Variants in CNTNAP5 observed in about 807,000 individuals in gnomAD.
The protein encoded by CNTNAP5 is contactin-associated protein-like 5.
Under a neutral mutation model 150.2 loss-of-function variants are expected in CNTNAP5, and 72 were observed. The ratio of observed to expected loss-of-function variants is 0.48; its 90% CI spans 0.40 to 0.58. The LOEUF is 0.58. CNTNAP5 is among the 20% of genes least tolerant of loss of function. The pLI is 0.00. For missense variants in CNTNAP5, 1,636 were observed against 1,626.2 expected, an observed-to-expected ratio of 1.01 and a Z score of -0.10; for synonymous variants, 672 against 619.8, an observed-to-expected ratio of 1.08 and a Z score of -1.25.
intron 13 of CNTNAP5, among the ~76,000 whole-genome samples, chr2:124,734,647 C>G (rs902571057): frequency 5.9e-5 from 9 of 151,748 alleles, no homozygotes; most frequent in Non-Finnish European, 1.0e-4. Flanking sequence ...TAAGAATAAC[C>G]AGAAATTTGG....
intron 7 of CNTNAP5, among the ~76,000 whole-genome samples, chr2:124,490,984 A>T (rs746034299): frequency 2.0e-5 from 3 of 152,134 alleles, no homozygotes; most frequent in Non-Finnish European, 4.4e-5. Flanking sequence ...GTATTTCAGT[A>T]GCAGATTTCC....
At chr2:124,183,321 T>A (rs1008407789) in intron 1 of CNTNAP5, among the ~76,000 whole-genome samples, 1 of 152,218 alleles carries the variant, frequency 6.6e-6, no homozygotes, top group Non-Finnish European at 1.5e-5. Flanking sequence ...CAGAAGGGAA[T>A]GTTCTCTACT....
At chr2:124,316,374 G>C (rs1306761555) in intron 3 of CNTNAP5, among the ~76,000 whole-genome samples, 1 of 152,142 alleles carries the variant, frequency 6.6e-6, no homozygotes, top group East Asian at 1.9e-4. Flanking sequence ...AACTCAATTA[G>C]CACATGAGTG....
chr2:124,525,615 G>A (rs1398300469), intron 9 of CNTNAP5, among the ~76,000 whole-genome samples: 1 of 152,088 alleles, frequency 6.6e-6, no homozygotes, highest in African/African-American at 2.4e-5. Context: ...TGTACATATC[G>A]AGGTCTCCTA....
chr2:124,701,287 T>C lies in CNTNAP5; in HGVS notation c.2078-45942T>C, dbSNP rs367692106. The stretch of plus-strand genomic sequence containing the variant: ...TGAGATCATGCAATAGTTTCTTTTC[T>C]GTGTCTGGCTCATTTCACTTACCCT... On this transcript the variant is annotated intron_variant, in intron 13 of 23. Coordinates refer to ENST00000682447, the MANE Select transcript of CNTNAP5 (RefSeq NM_001367498.1). Among the ~76,000 whole-genome samples the C allele has an allele frequency of 3.3e-5, 5 of 152,294 alleles. No individual in the cohort carries two copies. In the East Asian group the frequency reaches 9.7e-4, roughly 29 times the overall value.
intron 19 of CNTNAP5, among the ~76,000 whole-genome samples, chr2:124,813,639 A>G (rs1216418865): frequency 2.0e-5 from 3 of 150,332 alleles, no homozygotes; most frequent in Non-Finnish European, 3.0e-5. Flanking sequence ...ACACCTCCCC[A>G]CCACTCCAAC....
intron 1 of CNTNAP5, among the ~76,000 whole-genome samples, chr2:124,155,067 C>A (rs999902167): frequency 2.2e-5 from 3 of 139,180 alleles, no homozygotes; most frequent in Non-Finnish European, 4.5e-5. Flanking sequence ...CAGAAGCAAA[C>A]CATTCCCGTT....
At chr2:124,424,474 T>C (rs1220366309) in intron 4 of CNTNAP5, among the ~76,000 whole-genome samples, 2 of 152,214 alleles carry the variant, frequency 1.3e-5, no homozygotes, top group African/African-American at 2.4e-5. Flanking sequence ...ATCTCCAAGA[T>C]GCCAGATTCA....
intron 10 of CNTNAP5, among the ~76,000 whole-genome samples, chr2:124,538,781 C>T (rs2104903648): frequency 6.6e-6 from 1 of 152,224 alleles, no homozygotes; most frequent in South Asian, 2.1e-4. Context: ...GGTTTAGATT[C>T]TCAAGCCACT....
At chr2:124,212,306 C>T (rs944891939) in intron 1 of CNTNAP5, among the ~76,000 whole-genome samples, 2 of 152,046 alleles carry the variant, frequency 1.3e-5, no homozygotes, top group African/African-American at 4.8e-5. Context: ...TTTGGCACTA[C>T]TTTGTAATGA....
At chr2:124,549,190 C>A (rs1352296803) in intron 10 of CNTNAP5, among the ~76,000 whole-genome samples, 1 of 152,158 alleles carries the variant, frequency 6.6e-6, no homozygotes, top group Non-Finnish European at 1.5e-5. Flanking sequence ...CTGCTGGTAT[C>A]TGTTCACTTC....
chr2:124,689,295 C>T (rs757413481), intron 13 of CNTNAP5, among the ~76,000 whole-genome samples: 3 of 152,032 alleles, frequency 2.0e-5, no homozygotes, highest in Admixed American at 6.6e-5. Flanking sequence ...TAACCATTAT[C>T]GGGATGAAGA....
At chr2:124,113,933 AT>A (rs1683364584) in intron 1 of CNTNAP5, among the ~76,000 whole-genome samples, 1 of 151,806 alleles carries the variant, frequency 6.6e-6, no homozygotes, top group Non-Finnish European at 1.5e-5. Context: ...CTCTATATAT[AT>A]ATATATGTCT....
At chr2:124,713,244 TCTTTC>T (rs1558746628) in intron 13 of CNTNAP5, among the ~76,000 whole-genome samples, 2 of 22,736 alleles carry the variant, frequency 8.8e-5, no homozygotes. Flanking sequence ...TCTTTCTTTC[TCTTTC>T]TTTCTTTCTT....
intron 1 of CNTNAP5, among the ~76,000 whole-genome samples, chr2:124,149,211 C>T (rs1684340130): frequency 6.6e-6 from 1 of 152,034 alleles, no homozygotes; most frequent in Non-Finnish European, 1.5e-5. Flanking sequence ...ACTCTACTCT[C>T]ATTATCCTTC....
chr2:124,025,773 A>G, intron 1 of CNTNAP5, 41 bp downstream of exon 1: 1 of 1,464,386 alleles, frequency 6.8e-7, no homozygotes, highest in Non-Finnish European at 9.6e-7. Flanking sequence ...GAGGTGGAAA[A>G]CGATCGCATT....
At chr2:124,632,409 C>A (rs373494858) in intron 12 of CNTNAP5, among the ~76,000 whole-genome samples, 1 of 152,124 alleles carries the variant, frequency 6.6e-6, no homozygotes, top group Non-Finnish European at 1.5e-5. Context: ...TGCAGGGACA[C>A]GAATGAAGCT....
chr2:124,891,271 T>A (rs1198362089), intron 21 of CNTNAP5, among the ~76,000 whole-genome samples: 1 of 152,068 alleles, frequency 6.6e-6, no homozygotes, highest in Non-Finnish European at 1.5e-5. Context: ...TCAGTTGGCC[T>A]TTCTTGCTCC....
chr2:124,362,036 A>T (rs1222275645), intron 3 of CNTNAP5, among the ~76,000 whole-genome samples: 1 of 152,198 alleles, frequency 6.6e-6, no homozygotes, highest in Non-Finnish European at 1.5e-5. Context: ...AGCCGGTCCG[A>T]AAAGCGCAAT....
Sources: gnomAD v4.1 joint callset for allele counts (sites outside exome capture counted in the v4.1 genomes callset) on GRCh38, gnomAD v4.1.1 for gene constraint, MANE v1.5 for transcripts, NCBI Gene and HGNC (gene_info 2026-07-23, HGNC 2026-07-21) for gene names.